TUBD1: variants seen among roughly 807,000 people sequenced by gnomAD.
TUBD1 encodes tubulin delta 1.
In TUBD1, 38 loss-of-function variants were observed where a neutral mutation model predicts 51.2. That is an observed-to-expected ratio of 0.74 (90% CI 0.57 to 0.97). TUBD1 has a LOEUF of 0.97. Among genes scored for constraint, TUBD1 ranks in the 50% least tolerant of loss-of-function variants. The pLI, the probability that TUBD1 is intolerant of heterozygous loss-of-function variation, is 0.00. For synonymous variants in TUBD1, 169 were observed against 178.2 expected (o/e 0.95, Z 0.41); for missense variants, 489 against 538.4 (o/e 0.91, Z 0.91).
intron 6 of TUBD1, among the ~76,000 whole-genome samples, chr17:59,873,556 C>T (rs184686300): frequency 4.2e-4 from 64 of 152,112 alleles, no homozygotes; most frequent in Non-Finnish European, 8.5e-4. Flanking sequence ...TGGCCCATTA[C>T]TTGACCTTTT....
At chr17:59,882,936 C>T (rs183654995) in intron 3 of TUBD1, among the ~76,000 whole-genome samples, 81 of 151,342 alleles carry the variant, frequency 5.4e-4, no homozygotes, top group African/African-American at 1.8e-3. Flanking sequence ...AGGCACAGGC[C>T]GCCACGCCCA....
rs71145582 is a variant in TUBD1, at chr17:59,862,714, A to ATTTTTTTTTTT, written c.1259+939_1259+949dup. ...ACCACTATGCCAAGCTAATTTTTGT[A>ATTTTTTTTTTT]TTTTTTTTTTTTTTTTTTTTTTTTT... On this transcript the variant is annotated intron_variant, in intron 8 of 8. Transcript: ENST00000325752. Among the ~76,000 whole-genome samples the ATTTTTTTTTTT allele has an allele frequency of 6.1e-4, 35 of 56,986 alleles. 4 individuals carry two copies. The highest frequency in any genetic ancestry group is 9.2e-4 in the Admixed American group (4 of 4,328). 37.4% of individuals were successfully genotyped at this position (56,986 alleles called of 152,430 possible).
At chr17:59,863,909 C>T in intron 7 of TUBD1, 62 bp from the exon 8 acceptor site, 1 of 1,271,508 alleles carries the variant, frequency 7.9e-7, no homozygotes. Context: ...TGAAAACAAA[C>T]AAACAGATAT....
Position 59,878,507 on chromosome 17 carries a change from G to A in TUBD1, c.538-173C>T. The A allele has an allele frequency of 9.4e-6, 4 of 427,656 alleles. No homozygotes were observed. The South Asian group carries it at 9.5e-5, about 10-fold the overall frequency. The allele number at this position is 427,656 out of a possible 1,614,324, so 26.5% of individuals were successfully genotyped here. ...CAGTTTCCTTTTTTTTTTTTTTTTT[G>A]AGATAGAGACTCTGTCGCCCAGGCT... On this transcript the variant is annotated intron_variant, in intron 4 of 8. Coordinates refer to ENST00000325752, the MANE Select transcript of TUBD1 (RefSeq NM_016261.4).
Position 59,890,827 on chromosome 17 carries a change from C to G in TUBD1, c.172+4G>C. ...TAAAGGAGAGGACTGTGGGCCACAC[C>G]TACCTCCATTCTCCTCCTCACTGAA... On this transcript the variant is annotated splice_donor_region_variant and intron_variant, in intron 2 of 8. Coordinates refer to ENST00000325752, the MANE Select transcript of TUBD1 (RefSeq NM_016261.4). The G allele has an allele frequency of 6.2e-7, 1 of 1,606,944 alleles. No homozygotes were observed. The highest frequency in any genetic ancestry group is 1.3e-5 in the African/African-American group (1 of 74,800).
At chr17:59,878,489 CTTTT>C (rs71370137) in intron 4 of TUBD1, 155 bp from the exon 5 acceptor site, 1,059 of 460,786 alleles carry the variant, frequency 2.3e-3, no homozygotes, top group Middle Eastern at 3.7e-3. Flanking sequence ...GCTCAGTTTC[CTTTT>C]TTTTTTTTTT....
intron 3 of TUBD1, 164 bp from the exon 4 acceptor site, chr17:59,881,274 TAA>T: frequency 3.3e-6 from 2 of 605,848 alleles, no homozygotes; most frequent in Non-Finnish European, 5.8e-6. Flanking sequence ...TTTAAATACA[TAA>T]GTTGAATATA....
chr17:59,885,200 C>T (rs1024530810), intron 3 of TUBD1: 25 of 437,966 alleles, frequency 5.7e-5, no homozygotes, highest in Non-Finnish European at 9.3e-5. Flanking sequence ...TGGGAGACTA[C>T]GAGCCTTACC....
intron 3 of TUBD1, among the ~76,000 whole-genome samples, chr17:59,881,495 T>C (rs1352106849): frequency 4.6e-5 from 7 of 152,204 alleles, no homozygotes; most frequent in African/African-American, 7.2e-5. Flanking sequence ...CTCTTTATTT[T>C]TGAGGTTTTA....
At position 59,860,846 on chromosome 17, in the gene TUBD1, C is replaced by T. The variant is rs369966946; in HGVS notation, c.1260-422G>A. ...AGGTGATCCACCCGCCTCGGCCTCC[C>T]AAAGTGCTGGGATTACAGGTGTGAG... is the stretch of plus-strand genomic sequence containing the variant. On this transcript the variant is annotated intron_variant, in intron 8 of 8. Coordinates refer to ENST00000325752, the MANE Select transcript of TUBD1 (RefSeq NM_016261.4). Among the ~76,000 whole-genome samples the T allele has an allele frequency of 2.7e-4, 41 of 152,146 alleles. 1 individual carries two copies. The highest frequency in any genetic ancestry group is 9.9e-4 in the African/African-American group (41 of 41,504).
At chr17:59,889,668 C>CAAAAA (rs1195587619) in intron 2 of TUBD1, among the ~76,000 whole-genome samples, 1 of 54,152 alleles carries the variant, frequency 1.8e-5, no homozygotes, top group African/African-American at 7.4e-5. Flanking sequence ...GACTCTGTCT[C>CAAAAA]AAAAAAAAAA....
intron 2 of TUBD1, among the ~76,000 whole-genome samples, chr17:59,887,077 T>G (rs574088858): frequency 6.6e-6 from 1 of 152,102 alleles, no homozygotes; most frequent in African/African-American, 2.4e-5. Flanking sequence ...TCCCAGCTAC[T>G]CCGGAGGCTG....
chr17:59,883,889 T>C (rs139427652), intron 3 of TUBD1, among the ~76,000 whole-genome samples: 108 of 152,246 alleles, frequency 7.1e-4, no homozygotes, highest in African/African-American at 2.5e-3. Context: ...CAAGTTTTGA[T>C]ACCAGGTAGT....
In TUBD1 at chr17:59,859,771, A is replaced by G. The variant is rs753270136; in HGVS notation, c.*551T>C. 1 of 152,384 alleles carries G rather than the reference A, an allele frequency of 6.6e-6. No homozygotes were observed. The highest frequency in any genetic ancestry group is 3.2e-3 in the Middle Eastern group (1 of 316). The allele number at this position is 152,384 out of a possible 1,614,324, so 9.4% of individuals were successfully genotyped here. ...GTAAAGATTTAGGAACATGTAGACA[A>G]AGAGAATATTCTCTTTTCTTGGCTA... On this transcript the variant is annotated 3_prime_UTR_variant, in exon 9 of 9. Transcript: ENST00000325752.
rs148687002 is a variant in TUBD1, at chr17:59,860,361, C to T, written c.1323G>A (p.Thr441=). 35 of 1,612,210 alleles carry T rather than the reference C, an allele frequency of 2.2e-5. No individual in the cohort carries two copies. Among genetic ancestry groups the T allele is most frequent in the Admixed American group, 1.0e-4 (6 of 59,834 alleles). Residue 441 remains threonine, a synonymous_variant, in exon 9 of 9, where the codon ACG becomes ACA. Coordinates refer to ENST00000325752, the MANE Select transcript of TUBD1 (RefSeq NM_016261.4). ...IEEEDFLDSF[T]SLEQVVASYC... is the part of the protein sequence containing the mutation. ...AACTGGCAACAACCTGCTCTAATGA[C>T]GTGAAACTGTCTAAAAAGTCCTCTT...
In TUBD1 at chr17:59,860,297, G is replaced by A; in HGVS notation, c.*25C>T. 6.8e-7 allele frequency: 1 copy of A among 1,477,878 alleles called. No homozygotes were observed. The highest frequency in any genetic ancestry group is 9.4e-7 in the Non-Finnish European group (1 of 1,065,536). 91.5% of individuals were successfully genotyped at this position (1,477,878 alleles called of 1,614,324 possible). On this transcript the variant is annotated 3_prime_UTR_variant, in exon 9 of 9. Transcript: ENST00000325752. ...ATATTTTAGTCCAGAAATGCCTTAA[G>A]GTATACTTTTCCCATTGTTCAAGAT... is the stretch of plus-strand genomic sequence containing the variant.
chr17:59,868,561 C>G, intron 6 of TUBD1, among the ~76,000 whole-genome samples: 1 of 151,898 alleles, frequency 6.6e-6, no homozygotes, highest in East Asian at 1.9e-4. Context: ...AAAATTAGGC[C>G]AGGTGCAGTG....
At position 59,892,920 on chromosome 17, in the gene TUBD1, A is replaced by G. The variant is rs1056884590; in HGVS notation, c.-263T>C. 2.0e-6 allele frequency: 1 copy of G among 495,532 alleles called. No homozygotes were observed. Among genetic ancestry groups the G allele is most frequent in the Non-Finnish European group, 3.7e-6 (1 of 273,734 alleles). 30.7% of individuals were successfully genotyped at this position (495,532 alleles called of 1,614,324 possible). Reference sequence around the variant, plus strand: ...GATATGGTACGCATGCTCACTGTCCACCGAACGCTCCAGCTGACAATGCGC... The same window carrying G: ...GATATGGTACGCATGCTCACTGTCCGCCGAACGCTCCAGCTGACAATGCGC... On this transcript the variant is annotated 5_prime_UTR_variant, in exon 1 of 9. Transcript: ENST00000325752.
intron 2 of TUBD1, among the ~76,000 whole-genome samples, chr17:59,890,576 G>A (rs550657820): frequency 2.0e-5 from 3 of 152,264 alleles, no homozygotes; most frequent in South Asian, 4.2e-4. Flanking sequence ...TAGATGAAAG[G>A]CAAAGAGATA....
Sources: gnomAD v4.1 joint callset for allele counts (sites outside exome capture counted in the v4.1 genomes callset) on GRCh38, gnomAD v4.1.1 for gene constraint, MANE v1.5 for transcripts, NCBI Gene and HGNC (gene_info 2026-07-23, HGNC 2026-07-21) for gene names.